Variants in SKIC8 observed in about 807,000 individuals in gnomAD.
SKIC8 encodes superkiller complex protein 8.
the SKIC8 span, chr15:78,288,906 A>G: frequency 2.2e-6 from 1 of 452,608 alleles, no homozygotes. Flanking sequence ...TGGGCACAAT[A>G]CTTTCATCCA....
the SKIC8 span, chr15:78,289,845 G>A: frequency 1.3e-6 from 2 of 1,540,216 alleles, no homozygotes; most frequent in Non-Finnish European, 1.8e-6. Flanking sequence ...CAGTGAGACA[G>A]CAGCTGCCTG....
chr15:78,293,001 G>C, the SKIC8 span: 4 of 809,764 alleles, frequency 4.9e-6, no homozygotes, highest in Non-Finnish European at 7.7e-6. Flanking sequence ...TTAATACAGA[G>C]TAACAGGAAA....
chr15:78,294,775 G>T, the SKIC8 span: 2 of 549,504 alleles, frequency 3.6e-6, no homozygotes, highest in Non-Finnish European at 6.2e-6. Context: ...GGTTTTTGTT[G>T]TTGTTGTTGT....
At chr15:78,294,686 T>A in the SKIC8 span, 3 of 426,724 alleles carry the variant, frequency 7.0e-6, no homozygotes, top group African/African-American at 6.0e-5. Context: ...CATGTCTTCC[T>A]CAGGTGGAAA....
chr15:78,298,583 C>G, the SKIC8 span, among the ~76,000 whole-genome samples: 1 of 152,064 alleles, frequency 6.6e-6, no homozygotes, highest in African/African-American at 2.4e-5. Flanking sequence ...CTTATTGTGC[C>G]TAATTTACGA....
the SKIC8 span, among the ~76,000 whole-genome samples, chr15:78,289,315 A>G: frequency 6.6e-6 from 1 of 152,140 alleles, no homozygotes; most frequent in Non-Finnish European, 1.5e-5. Context: ...CAGGAGGCTG[A>G]GGTGGGACGA....
chr15:78,287,034 T>C, the SKIC8 span, among the ~76,000 whole-genome samples: 162 of 152,284 alleles, frequency 1.1e-3, no homozygotes, highest in Middle Eastern at 3.4e-3. Context: ...AGACTTTAAT[T>C]AATAATAATG....
At chr15:78,295,571 C>A in the SKIC8 span, 1 of 1,527,136 alleles carries the variant, frequency 6.5e-7, no homozygotes, top group Non-Finnish European at 9.1e-7. Context: ...AGGAGCCAGG[C>A]AAGAATGAGA....
chr15:78,286,722 CTG>C, the SKIC8 span: 1 of 152,338 alleles, frequency 6.6e-6, no homozygotes, highest in East Asian at 1.9e-4. Flanking sequence ...TAAGACCTAA[CTG>C]AGGTCAGCAA....
chr15:78,295,223 G>C, the SKIC8 span: 11 of 570,064 alleles, frequency 1.9e-5, no homozygotes, highest in Non-Finnish European at 3.4e-5. Context: ...CACTCAACAA[G>C]AGACCAATAA....
At chr15:78,286,143 G>T in the SKIC8 span, 3 of 1,548,046 alleles carry the variant, frequency 1.9e-6, no homozygotes, top group Non-Finnish European at 2.7e-6. Context: ...TCTGAAATGG[G>T]AAAGTTTCAA....
the SKIC8 span, chr15:78,285,467 G>A: frequency 7.0e-4 from 523 of 744,172 alleles, 1 homozygote; most frequent in African/African-American, 7.7e-3. Flanking sequence ...GAAATGGCCA[G>A]GTATCAGCAT....
chr15:78,283,478 G>A, the SKIC8 span: 1 of 1,613,772 alleles, frequency 6.2e-7, no homozygotes, highest in Non-Finnish European at 8.5e-7. Flanking sequence ...ATCTCCAACA[G>A]ACACAATTTT....
chr15:78,295,415 T>G, the SKIC8 span: 355 of 561,432 alleles, frequency 6.3e-4, 4 homozygotes, highest in Non-Finnish European at 8.4e-4. Flanking sequence ...TTTTTTTTTT[T>G]TTTGTACAAC....
At chr15:78,295,546 G>T in the SKIC8 span, 1 of 1,247,774 alleles carries the variant, frequency 8.0e-7, no homozygotes. Context: ...GGTACCCAGG[G>T]TCACCCAGCT....
the SKIC8 span, chr15:78,289,753 C>A: frequency 6.3e-7 from 1 of 1,587,366 alleles, no homozygotes; most frequent in Non-Finnish European, 8.7e-7. Flanking sequence ...CTTTCAGACT[C>A]CGTGTTGTTA....
At chr15:78,289,816 G>T in the SKIC8 span, 1 of 1,515,370 alleles carries the variant, frequency 6.6e-7, no homozygotes, top group Non-Finnish European at 9.1e-7. Context: ...GGTCTAACTG[G>T]CTACTTGGCA....
chr15:78,293,433 T>G, the SKIC8 span: 7 of 642,300 alleles, frequency 1.1e-5, no homozygotes, highest in Middle Eastern at 8.4e-4. Flanking sequence ...GGGCCACATA[T>G]GAAAATTGGA....
chr15:78,288,771 C>A, the SKIC8 span: 2 of 342,670 alleles, frequency 5.8e-6, no homozygotes. Context: ...AATGTGAGGA[C>A]GTAATAAATT....
Sources: gnomAD v4.1 joint callset for allele counts (sites outside exome capture counted in the v4.1 genomes callset) on GRCh38, gnomAD v4.1.1 for gene constraint, MANE v1.5 for transcripts, NCBI Gene and HGNC (gene_info 2026-07-23, HGNC 2026-07-21) for gene names.